The following QRFPR variants were observed in gnomAD, a reference collection of about 807,000 sequenced individuals.
The protein encoded by QRFPR is pyroglutamylated RFamide peptide receptor, also known as pyroglutamylated RF-amide peptide receptor.
Under a neutral mutation model 31.3 loss-of-function variants are expected in QRFPR, and 37 were observed. That is an observed-to-expected ratio of 1.18 (90% CI 0.91 to 1.56). The LOEUF is 1.56. Ranked by LOEUF, QRFPR falls within the 40% of genes most tolerant of loss-of-function variation. The probability of loss-of-function intolerance (pLI) is 0.00; values close to 1 mark genes in which losing one functional copy is unlikely to be tolerated. For missense variants in QRFPR, 542 were observed against 532.5 expected, an observed-to-expected ratio of 1.02 and a Z score of -0.18; for synonymous variants, 197 against 192.0, an observed-to-expected ratio of 1.03 and a Z score of -0.22.
intron 1 of QRFPR, among the ~76,000 whole-genome samples, chr4:121,359,940 C>A (rs1043747886): frequency 2.0e-5 from 3 of 151,030 alleles, no homozygotes; most frequent in African/African-American, 7.3e-5. Context: ...GACCCTGCTC[C>A]TTTCCCACCT....
intron 1 of QRFPR, among the ~76,000 whole-genome samples, chr4:121,351,296 C>G (rs1442864673): frequency 5.9e-5 from 9 of 152,114 alleles, no homozygotes. Flanking sequence ...TTGTGGGAGC[C>G]ACAGCTCATA....
At position 121,335,979 on chromosome 4, in the gene QRFPR, T is replaced by C. The variant is rs145486223; in HGVS notation, c.561+828A>G. On this transcript the variant is annotated intron_variant, in intron 3 of 5. Transcript: ENST00000394427. The stretch of plus-strand genomic sequence containing the variant: ...ATGGAGTCCAGCTCATTCAACAAAT[T>C]AGTTACATGAAAAAAATCAGGTTAC... Among the ~76,000 whole-genome samples, 1,461 of 151,882 alleles carry C rather than the reference T, an allele frequency of 9.6e-3. 10 individuals carry two copies. The highest frequency in any genetic ancestry group is 0.016 in the Non-Finnish European group (1,116 of 67,898).
At chr4:121,369,240 G>A (rs1726186121) in intron 1 of QRFPR, among the ~76,000 whole-genome samples, 1 of 152,182 alleles carries the variant, frequency 6.6e-6, no homozygotes, top group South Asian at 2.1e-4. Context: ...TGTTGGCCAG[G>A]CTGGTCTTTA....
chr4:121,373,909 T>C (rs1271078101), intron 1 of QRFPR, among the ~76,000 whole-genome samples: 1 of 152,234 alleles, frequency 6.6e-6, no homozygotes, highest in Admixed American at 6.5e-5. Context: ...ATTTTTCATA[T>C]AAAGTCATGC....
chr4:121,338,281 T>C (rs964698084), intron 2 of QRFPR, among the ~76,000 whole-genome samples: 1 of 152,142 alleles, frequency 6.6e-6, no homozygotes, highest in Non-Finnish European at 1.5e-5. Context: ...TCTGGAGGAA[T>C]TGAGTCTAAT....
Position 121,339,078 on chromosome 4 carries a change from C to T in QRFPR, c.499+1374G>A, listed in dbSNP as rs546417323. Among the ~76,000 whole-genome samples the T allele has an allele frequency of 2.0e-5, 3 of 152,304 alleles. No individual in the cohort carries two copies. In the South Asian group the frequency reaches 6.2e-4, roughly 32 times the overall value. On this transcript the variant is annotated intron_variant, in intron 2 of 5. Coordinates refer to ENST00000394427, the MANE Select transcript of QRFPR (RefSeq NM_198179.3). Reference sequence around the variant, plus strand: ...ACACCTTTCTCCCCTAATGATTCAGCTATTATTTTCAAGCTATTTAAAATG... The same window carrying T: ...ACACCTTTCTCCCCTAATGATTCAGTTATTATTTTCAAGCTATTTAAAATG...
chr4:121,342,578 T>C (rs903353149), intron 1 of QRFPR, among the ~76,000 whole-genome samples: 6 of 152,164 alleles, frequency 3.9e-5, no homozygotes, highest in African/African-American at 1.4e-4. Context: ...CCCATTCTCT[T>C]TCACATGTTA....
intron 1 of QRFPR, among the ~76,000 whole-genome samples, chr4:121,362,179 T>G (rs1446620710): frequency 6.7e-6 from 1 of 148,366 alleles, no homozygotes. Flanking sequence ...TTTCTTAAGG[T>G]TTTTTAATGA....
At chr4:121,340,357 G>A in intron 2 of QRFPR, 95 bp downstream of exon 2, 1 of 1,311,274 alleles carries the variant, frequency 7.6e-7, no homozygotes, top group Non-Finnish European at 1.1e-6. Flanking sequence ...CTACAAGTTA[G>A]ATAAGAAGCT....
chr4:121,370,027 T>C (rs1365450356), intron 1 of QRFPR: 1 of 772,064 alleles, frequency 1.3e-6, no homozygotes, highest in Admixed American at 1.7e-5. Flanking sequence ...GATCACATAA[T>C]TCATGACGAC....
At position 121,329,053 on chromosome 4, in the gene QRFPR, C is replaced by T; in HGVS notation, c.*261G>A. ...ACAGGCATGAGCCACCGTGCCTGGC[C>T]TTCCATGTTGCTTTTTTAAGGCTAG... On this transcript the variant is annotated 3_prime_UTR_variant, in exon 6 of 6. Transcript: ENST00000394427. 1 of 317,602 alleles carries T rather than the reference C, an allele frequency of 3.1e-6. No individual in the cohort carries two copies. Among genetic ancestry groups the T allele is most frequent in the Non-Finnish European group, 5.7e-6 (1 of 175,708 alleles). The allele number at this position is 317,602 out of a possible 1,614,324, so 19.7% of individuals were successfully genotyped here.
chr4:121,366,557 G>A (rs1000655960), intron 1 of QRFPR, among the ~76,000 whole-genome samples: 1 of 146,518 alleles, frequency 6.8e-6, no homozygotes, highest in Non-Finnish European at 1.5e-5. Context: ...GTGGGACAGG[G>A]ATGGCCTGGC....
chr4:121,346,648 C>T (rs186668678), intron 1 of QRFPR, among the ~76,000 whole-genome samples: 7 of 152,242 alleles, frequency 4.6e-5, no homozygotes, highest in African/African-American at 1.2e-4. Context: ...CGTCTTTCAC[C>T]GTAAAATATG....
At chr4:121,333,175 T>C (rs1419765212) in intron 3 of QRFPR, 119 bp from the exon 4 acceptor site, 3 of 638,028 alleles carry the variant, frequency 4.7e-6, no homozygotes, top group Non-Finnish European at 8.2e-6. Flanking sequence ...CCCCAGCACG[T>C]ATTTCAAATG....
intron 1 of QRFPR, among the ~76,000 whole-genome samples, chr4:121,353,361 C>G (rs193206345): frequency 6.6e-6 from 1 of 152,106 alleles, no homozygotes; most frequent in African/African-American, 2.4e-5. Flanking sequence ...TGCTCTCTCC[C>G]CATCCTGGCC....
intron 4 of QRFPR, among the ~76,000 whole-genome samples, chr4:121,331,565 A>G (rs891145834): frequency 1.3e-4 from 18 of 140,982 alleles, no homozygotes; most frequent in Admixed American, 1.1e-3. Flanking sequence ...TACATCTGCA[A>G]GAGCTCTACA....
intron 1 of QRFPR, among the ~76,000 whole-genome samples, chr4:121,376,819 C>A (rs181034896): frequency 3.6e-4 from 48 of 134,326 alleles, no homozygotes; most frequent in Admixed American, 3.4e-3. Flanking sequence ...ATTACTACTT[C>A]AAGTAGTACT....
chr4:121,372,451 GC>G (rs1726266495), intron 1 of QRFPR, among the ~76,000 whole-genome samples: 1 of 151,970 alleles, frequency 6.6e-6, no homozygotes, highest in African/African-American at 2.4e-5. Flanking sequence ...TATGATTTTA[GC>G]CATTTTTAAG....
chr4:121,372,961 C>CA lies in QRFPR; in HGVS notation c.340+7346_340+7347insT, dbSNP rs530701670. 4.7e-4 allele frequency among the ~76,000 whole-genome samples: 72 copies of CA among 152,212 alleles called. 1 individual carries two copies. The South Asian group carries it at 0.015, about 31-fold the overall frequency. Reference sequence around the variant, plus strand: ...CAACACAGAGGGAAGTGGAGCTGGCCGCCGAGGGGGAGGATGATCACTGTT... The same window carrying CA: ...CAACACAGAGGGAAGTGGAGCTGGCCAGCCGAGGGGGAGGATGATCACTGTT... On this transcript the variant is annotated intron_variant, in intron 1 of 5. Coordinates refer to ENST00000394427, the MANE Select transcript of QRFPR (RefSeq NM_198179.3).
Sources: allele counts gnomAD v4.1 joint callset (sites outside exome capture counted in the v4.1 genomes callset), GRCh38; gene constraint gnomAD v4.1.1; transcripts MANE v1.5; gene names NCBI Gene and HGNC (gene_info 2026-07-23, HGNC 2026-07-21).